Variants in PDE8B observed in about 807,000 individuals in gnomAD.
PDE8B encodes the protein phosphodiesterase 8B, also known as high affinity cAMP-specific and IBMX-insensitive 3',5'-cyclic phosphodiesterase 8B.
In PDE8B, 26 loss-of-function variants were observed where a neutral mutation model predicts 101.3. The ratio of observed to expected loss-of-function variants is 0.26; its 90% CI spans 0.19 to 0.36. PDE8B has a LOEUF of 0.36. Among genes scored for constraint, PDE8B ranks in the 10% least tolerant of loss-of-function variants. PDE8B has a pLI of 1.00. For missense variants in PDE8B, 810 were observed against 1,163.1 expected, an observed-to-expected ratio of 0.70 and a Z score of 4.42; for synonymous variants, 424 against 429.3, an observed-to-expected ratio of 0.99 and a Z score of 0.15.
chr5:77,203,230 G>A, the PDE8B span, among the ~76,000 whole-genome samples: 1 of 152,184 alleles, frequency 6.6e-6, no homozygotes, highest in Non-Finnish European at 1.5e-5. Context: ...TCTCTGGAAT[G>A]TCCTCTTTCC....
At chr5:77,403,666 GA>G (rs1056984369) in intron 11 of PDE8B, among the ~76,000 whole-genome samples, 3 of 151,812 alleles carry the variant, frequency 2.0e-5, no homozygotes, top group African/African-American at 7.3e-5. Context: ...TAAAAATTAG[GA>G]AAAGAGATAG....
intron 1 of PDE8B, among the ~76,000 whole-genome samples, chr5:77,225,506 C>A (rs1406696742): frequency 6.6e-6 from 1 of 152,032 alleles, no homozygotes. Flanking sequence ...AGGTTTGTTG[C>A]GTCCATTCCC....
At chr5:77,259,696 C>T (rs548692393) in intron 1 of PDE8B, among the ~76,000 whole-genome samples, 2 of 152,300 alleles carry the variant, frequency 1.3e-5, no homozygotes, top group African/African-American at 4.8e-5. Context: ...CCAGCAAGTC[C>T]CCAGCTTTCT....
rs1775905722 is a variant in PDE8B at position 77,325,607 on chromosome 5, T to C, written c.468T>C (p.Gly156=). 2.5e-6 allele frequency: 4 copies of C among 1,613,800 alleles called. No individual in the cohort carries two copies. Among genetic ancestry groups the C allele is most frequent in the Non-Finnish European group, 2.5e-6 (3 of 1,179,766 alleles). Residue 156 remains glycine, a synonymous_variant, in exon 3 of 22, where the codon GGT becomes GGC. Transcript: ENST00000264917. ...DGFWWACDRA[G]YRCNIARTPE... Reference sequence around the variant, plus strand: ...TCTGGTGGGCCTGCGACAGAGCTGGTTATAGATGCAATATTGCTCGGACTC... The same window carrying C: ...TCTGGTGGGCCTGCGACAGAGCTGGCTATAGATGCAATATTGCTCGGACTC...
rs1006921757 is a variant in PDE8B at position 77,416,815 on chromosome 5, C to G, written c.1912-1414C>G. On this transcript the variant is annotated intron_variant, in intron 17 of 21. Transcript: ENST00000264917. ...GAGTAGCAGCTCTTCCTCCTGCAGG[C>G]CTAGGAGAGCAAATTCTGGGAATAC... 2.6e-5 allele frequency among the ~76,000 whole-genome samples: 4 copies of G among 152,170 alleles called. No homozygotes were observed. In the East Asian group the frequency reaches 5.8e-4, roughly 22 times the overall value.
intron 1 of PDE8B, among the ~76,000 whole-genome samples, chr5:77,216,054 C>T (rs995575135): frequency 1.3e-5 from 2 of 152,186 alleles, no homozygotes; most frequent in African/African-American, 4.8e-5. Context: ...ACCAACCAAC[C>T]AGTTCTTCCT....
In PDE8B at chr5:77,378,413, C is replaced by T. The variant is rs968454423; in HGVS notation, c.1168-21835C>T. Among the ~76,000 whole-genome samples the T allele has an allele frequency of 7.7e-5, 10 of 129,378 alleles. No homozygotes were observed. In the Admixed American group the frequency reaches 7.9e-4, roughly 10 times the overall value. The allele number at this position is 129,378 out of a possible 152,430, so 84.9% of individuals were successfully genotyped here. ...GGCAGAGGTTGCAGTGAACTGAGAT[C>T]GCGCCACCGCACTCCAGCCTGGCGA... is the stretch of plus-strand genomic sequence containing the variant. On this transcript the variant is annotated intron_variant, in intron 10 of 21. Coordinates refer to ENST00000264917, the MANE Select transcript of PDE8B (RefSeq NM_003719.5).
At chr5:77,329,730 A>T (rs1350733593) in intron 4 of PDE8B, among the ~76,000 whole-genome samples, 1 of 152,224 alleles carries the variant, frequency 6.6e-6, no homozygotes, top group African/African-American at 2.4e-5. Context: ...AGGTAACAAA[A>T]TTTGTTGTAG....
chr5:77,102,148 G>T, the PDE8B span, among the ~76,000 whole-genome samples: 1 of 152,176 alleles, frequency 6.6e-6, no homozygotes, highest in Non-Finnish European at 1.5e-5. Context: ...TATCGTGTGC[G>T]AGTGAAATGT....
upstream of PDE8B, among the ~76,000 whole-genome samples, chr5:77,209,057 C>A (rs1485940682): frequency 2.6e-5 from 4 of 152,172 alleles, no homozygotes; most frequent in Admixed American, 1.3e-4. Context: ...CTGCTAAACA[C>A]CATCTCAGAA....
chr5:77,124,026 G>A, the PDE8B span, among the ~76,000 whole-genome samples: 6 of 152,176 alleles, frequency 3.9e-5, no homozygotes, highest in African/African-American at 9.7e-5. Flanking sequence ...TCTAGAACAC[G>A]CTAAAAGAGC....
intron 1 of PDE8B, among the ~76,000 whole-genome samples, chr5:77,271,245 TTAAAACCTCCATTTGAGAGC>T (rs1449152893): frequency 4.3e-4 from 66 of 152,342 alleles, no homozygotes; most frequent in African/African-American, 1.6e-3. Context: ...TACTTGTCCT[TTAAAACCTCCATTTGAGAGC>T]TGCCTCTTCC....
chr5:77,169,949 T>C, the PDE8B span, among the ~76,000 whole-genome samples: 1 of 152,270 alleles, frequency 6.6e-6, no homozygotes, highest in South Asian at 2.1e-4. Context: ...GAAACACGGC[T>C]CTATCTCAAG....
In PDE8B at chr5:77,211,175, G is replaced by GC; in HGVS notation, c.255dup (p.Ala86ArgfsTer58). 1 of 1,536,922 alleles carries GC rather than the reference G, an allele frequency of 6.5e-7. No individual in the cohort carries two copies. On this transcript the variant is annotated frameshift_variant, in exon 1 of 22. Coordinates refer to ENST00000264917, the MANE Select transcript of PDE8B (RefSeq NM_003719.5). LOFTEE classifies it high-confidence loss of function. The surrounding 1 kb of genome is among the most constrained non-coding windows in gnomAD (Gnocchi z 4.1). ...CAGCGGTAGCAGCGCGGGTTCCGCA[G>GC]CCCCCGCCGCGACCACCAGCAGGGG...
At chr5:77,294,257 C>T (rs947779925) in intron 1 of PDE8B, among the ~76,000 whole-genome samples, 2 of 152,122 alleles carry the variant, frequency 1.3e-5, no homozygotes, top group African/African-American at 2.4e-5. Context: ...AACCACTGAC[C>T]GTAACAAGGA....
At chr5:77,395,935 G>C (rs554200324) in intron 10 of PDE8B, among the ~76,000 whole-genome samples, 10 of 152,256 alleles carry the variant, frequency 6.6e-5, no homozygotes, top group African/African-American at 2.4e-4. Context: ...ATCTGACAGA[G>C]GCTTTTATCC....
the PDE8B span, among the ~76,000 whole-genome samples, chr5:77,166,024 T>TG: frequency 6.7e-6 from 1 of 149,142 alleles, no homozygotes; most frequent in Non-Finnish European, 1.5e-5. Context: ...GATAAGAGCT[T>TG]GGATTATATC....
the PDE8B span, among the ~76,000 whole-genome samples, chr5:77,161,864 T>C: frequency 1.3e-5 from 2 of 152,106 alleles, no homozygotes; most frequent in African/African-American, 4.8e-5. Context: ...CCTTCCCTGA[T>C]GACTAATGTT....
the PDE8B span, among the ~76,000 whole-genome samples, chr5:77,102,562 A>G: frequency 6.6e-6 from 1 of 152,214 alleles, no homozygotes; most frequent in Non-Finnish European, 1.5e-5. Flanking sequence ...TTCATTATTT[A>G]TCAATGGCAG....
Sources: gnomAD v4.1 joint callset for allele counts (sites outside exome capture counted in the v4.1 genomes callset) on GRCh38, gnomAD v4.1.1 for gene constraint, Gnocchi (gnomAD v3.1) non-coding constraint, MANE v1.5 for transcripts, NCBI Gene and HGNC (gene_info 2026-07-23, HGNC 2026-07-21) for gene names.